PIGG: variants seen among roughly 807,000 people sequenced by gnomAD.
PIGG encodes phosphatidylinositol glycan anchor biosynthesis class G (EMM blood group).
A neutral mutation model predicts 83.2 loss-of-function variants in PIGG; 70 were observed. The ratio of observed to expected loss-of-function variants is 0.84; its 90% CI spans 0.69 to 1.03. The LOEUF (loss-of-function observed/expected upper bound fraction) is 1.03, where lower values mean the gene tolerates loss of function less well. Ranked by LOEUF, PIGG falls within the 50% of genes least tolerant of loss-of-function variation. The pLI, the probability that PIGG is intolerant of heterozygous loss-of-function variation, is 0.00. For missense variants in PIGG, 1,257 were observed against 1,233.6 expected (o/e 1.02, Z -0.28); for synonymous variants, 532 against 519.5 (o/e 1.02, Z -0.33).
chr4:527,239 G>A lies in PIGG; in HGVS notation c.2261+9G>A, dbSNP rs529205382. Reference sequence around the variant, plus strand: ...AGCAAGGACATTTCCAAGTAAGTGCGTGGCGGACACGGGGTGCATAGAGCC... The same window carrying A: ...AGCAAGGACATTTCCAAGTAAGTGCATGGCGGACACGGGGTGCATAGAGCC... On this transcript the variant is annotated intron_variant, in intron 10 of 12. Transcript: ENST00000453061. The A allele has an allele frequency of 4.1e-5, 64 of 1,573,450 alleles. No individual in the cohort carries two copies. The highest frequency in any genetic ancestry group is 2.1e-4 in the Middle Eastern group (1 of 4,658).
intron 2 of PIGG, among the ~76,000 whole-genome samples, chr4:505,454 T>C (rs1231365472): frequency 1.9e-5 from 2 of 103,892 alleles, no homozygotes; most frequent in East Asian, 5.7e-4. Flanking sequence ...GGACCCTGTA[T>C]CTACCAAAAA....
intron 5 of PIGG, among the ~76,000 whole-genome samples, chr4:512,673 G>C (rs1390294322): frequency 2.6e-5 from 4 of 151,800 alleles, no homozygotes; most frequent in Non-Finnish European, 5.9e-5. Context: ...AAATTAGCCA[G>C]ATGTGGTGGT....
intron 2 of PIGG, among the ~76,000 whole-genome samples, chr4:505,357 C>A (rs1719234003): frequency 6.6e-6 from 1 of 151,292 alleles, no homozygotes; most frequent in Admixed American, 6.6e-5. Context: ...TAACATTGAC[C>A]CAGCCACCAG....
intron 3 of PIGG, 23 bp downstream of exon 3, chr4:505,950 TATATCATACTAGA>T (rs1553878983): frequency 5.5e-6 from 8 of 1,460,754 alleles, no homozygotes; most frequent in Admixed American, 1.7e-5. Context: ...AATAAGAAAA[TATATCATACTAGA>T]ATATCATACT....
At chr4:508,245 G>A (rs947831772) in intron 4 of PIGG, among the ~76,000 whole-genome samples, 2 of 152,222 alleles carry the variant, frequency 1.3e-5, no homozygotes, top group Non-Finnish European at 1.5e-5. Flanking sequence ...CCCTGAAGAC[G>A]TGTGCAGGGT....
chr4:522,435 C>T (rs753857367), intron 8 of PIGG: 13 of 207,802 alleles, frequency 6.3e-5, no homozygotes, highest in East Asian at 5.3e-4. Context: ...CCAAGGCGGA[C>T]GTTTTCTGTT....
intron 11 of PIGG, chr4:531,255 G>C (rs974149386): frequency 6.0e-6 from 1 of 167,602 alleles, no homozygotes; most frequent in African/African-American, 2.4e-5. Context: ...CGGGGCCTCA[G>C]AGGGATCCAG....
rs191193542 is a variant in PIGG at position 524,635 on chromosome 4, C to T, written c.2069+722C>T. The T allele has an allele frequency of 6.9e-3, 1,051 of 152,232 alleles. 12 individuals are homozygous for T. The highest frequency in any genetic ancestry group is 0.034 in the Middle Eastern group (10 of 292). The allele number at this position is 152,232 out of a possible 1,614,324, so 9.4% of individuals were successfully genotyped here. On this transcript the variant is annotated intron_variant, in intron 9 of 12. Coordinates refer to ENST00000453061, the MANE Select transcript of PIGG (RefSeq NM_001127178.3). The stretch of plus-strand genomic sequence containing the variant: ...GAGGAATCTGCCCCCATGACCCAGA[C>T]GTCTCCCACAAGGCTCACTTCCAAC...
At chr4:502,450 G>A (rs1208308462) in intron 2 of PIGG, 1 of 152,264 alleles carries the variant, frequency 6.6e-6, no homozygotes, top group Non-Finnish European at 1.5e-5. Context: ...GTCTGAGAAA[G>A]GGCTCAGAGC....
intron 2 of PIGG, chr4:502,469 G>C (rs1012127401): frequency 1.3e-5 from 2 of 152,236 alleles, no homozygotes; most frequent in African/African-American, 4.8e-5. Flanking sequence ...GCATCTCCTG[G>C]TGTTGATACA....
Position 533,893 on chromosome 4 carries a change from G to A in PIGG, c.2647G>A (p.Ala883Thr), listed in dbSNP as rs565706914. The A allele has an allele frequency of 1.3e-5, 21 of 1,614,188 alleles. No individual in the cohort carries two copies. In the Middle Eastern group the frequency reaches 2.5e-3, roughly 190 times the overall value. The change falls in exon 12 of 13, where the codon GCC becomes ACC. Residue 883 changes from alanine to threonine, a missense_variant. Coordinates refer to ENST00000453061, the MANE Select transcript of PIGG (RefSeq NM_001127178.3). ...CTTAGACACCTACGTGGAAATCCCAGCCGTGCTCCTGACAGCGTTTGGGAC... is the reference window on the plus strand; with the variant it reads ...CTTAGACACCTACGTGGAAATCCCAACCGTGCTCCTGACAGCGTTTGGGAC... ...VGLDTYVEIP[A>T]VLLTAFGTYA...
intron 12 of PIGG, among the ~76,000 whole-genome samples, chr4:538,269 G>A (rs1389518285): frequency 2.0e-5 from 2 of 101,642 alleles, no homozygotes; most frequent in Non-Finnish European, 3.9e-5. Context: ...CACAGACTCA[G>A]GGAAGTTGCT....
chr4:530,058 A>G (rs1327435477), intron 10 of PIGG, among the ~76,000 whole-genome samples: 3 of 152,232 alleles, frequency 2.0e-5, no homozygotes, highest in Non-Finnish European at 4.4e-5. Context: ...GCAGTTTCTT[A>G]GAGTTGACTC....
chr4:502,747 G>T (rs1379141927), intron 2 of PIGG, among the ~76,000 whole-genome samples: 1 of 152,058 alleles, frequency 6.6e-6, no homozygotes, highest in Non-Finnish European at 1.5e-5. Flanking sequence ...AAAAATATCG[G>T]TGGGAACCCA....
chr4:505,965 T>A, intron 3 of PIGG, 38 bp downstream of exon 3: 1 of 1,349,552 alleles, frequency 7.4e-7, no homozygotes, highest in Non-Finnish European at 1.1e-6. Flanking sequence ...CATACTAGAA[T>A]ATCATACTAG....
chr4:534,201 C>T (rs542338235), intron 12 of PIGG, among the ~76,000 whole-genome samples: 29 of 152,032 alleles, frequency 1.9e-4, no homozygotes, highest in Admixed American at 9.8e-4. Flanking sequence ...GGGGCCTCGC[C>T]GGGCTCCCCA....
chr4:512,289 G>A (rs1339152512), intron 5 of PIGG, among the ~76,000 whole-genome samples: 9 of 144,848 alleles, frequency 6.2e-5, no homozygotes, highest in East Asian at 2.1e-4. Context: ...ACACGATCTC[G>A]GCTCACTGCC....
chr4:538,732 A>G (rs954855985), intron 12 of PIGG, among the ~76,000 whole-genome samples: 1 of 152,206 alleles, frequency 6.6e-6, no homozygotes, highest in African/African-American at 2.4e-5. Context: ...GGGGGGCTCC[A>G]GAGTGGCACT....
Position 528,469 on chromosome 4 carries a change from A to C in PIGG, c.2261+1239A>C. On this transcript the variant is annotated intron_variant, in intron 10 of 12. Coordinates refer to ENST00000453061, the MANE Select transcript of PIGG (RefSeq NM_001127178.3). This position sits in a 1 kb window ranked among gnomAD's most constrained non-coding sequence, Gnocchi z 4.8. ...CACCCCTGGAAGTACTTCCTGGCTG[A>C]GTGGGGAGTAAGGGGTGGGAGTTAG... is the stretch of plus-strand genomic sequence containing the variant. The C allele has an allele frequency of 1.0e-6, 1 of 985,070 alleles. No homozygotes were observed. Among genetic ancestry groups the C allele is most frequent in the African/African-American group, 1.7e-5 (1 of 57,206 alleles). 61.0% of individuals were successfully genotyped at this position (985,070 alleles called of 1,614,324 possible).
Sources: gnomAD v4.1 joint callset for allele counts (sites outside exome capture counted in the v4.1 genomes callset) on GRCh38, gnomAD v4.1.1 for gene constraint, Gnocchi (gnomAD v3.1) non-coding constraint, MANE v1.5 for transcripts, NCBI Gene and HGNC (gene_info 2026-07-23, HGNC 2026-07-21) for gene names.